CLSTN1: variants seen among roughly 807,000 people sequenced by gnomAD.
The protein encoded by CLSTN1 is calsyntenin-1.
CLSTN1 carries 28 observed loss-of-function variants against 108.3 expected under a neutral mutation model. The observed-to-expected ratio is 0.26, with a 90% CI of 0.19 to 0.35. CLSTN1 has a LOEUF of 0.35. CLSTN1 is among the 10% of genes least tolerant of loss of function. The pLI, the probability that CLSTN1 is intolerant of heterozygous loss-of-function variation, is 1.00. For synonymous variants in CLSTN1, 524 were observed against 534.9 expected (o/e 0.98, Z 0.28); for missense variants, 1,157 against 1,302.6 (o/e 0.89, Z 1.72).
At chr1:9,779,019 G>A (rs1324464547) in intron 1 of CLSTN1, among the ~76,000 whole-genome samples, 17 of 144,498 alleles carry the variant, frequency 1.2e-4, no homozygotes, top group African/African-American at 2.8e-4. Context: ...GAGAGACTTC[G>A]TCTCAAAAAA....
intron 4 of CLSTN1, among the ~76,000 whole-genome samples, chr1:9,752,473 G>A (rs1175104847): frequency 2.6e-5 from 4 of 152,190 alleles, no homozygotes; most frequent in Non-Finnish European, 5.9e-5. Context: ...TGCTCACCAT[G>A]AGCCTCCTCA....
In CLSTN1 at chr1:9,765,450, G is replaced by A. The variant is rs923531904; in HGVS notation, c.214+7822C>T. The stretch of plus-strand genomic sequence containing the variant: ...TGTAATCCTAGCACTTTAGGAGGCT[G>A]AGGCAGGGGGATCTTGAGGTCAAGA... On this transcript the variant is annotated intron_variant, in intron 2 of 18. Transcript: ENST00000377298. Among the ~76,000 whole-genome samples the A allele has an allele frequency of 2.6e-5, 4 of 152,208 alleles. No homozygotes were observed. The East Asian group carries it at 7.7e-4, about 29-fold the overall frequency.
rs551008326 is a variant in CLSTN1 at position 9,806,662 on chromosome 1, G to A, written c.91+16981C>T. 7.0e-4 allele frequency among the ~76,000 whole-genome samples: 106 copies of A among 152,220 alleles called. 1 individual carries two copies. In the Middle Eastern group the frequency reaches 0.027, roughly 39 times the overall value. Reference sequence around the variant, plus strand: ...TGGGAGGCCGAGGCAGGTGGATCACGAGGTCAGGAGATTGAGACCATCCTG... The same window carrying A: ...TGGGAGGCCGAGGCAGGTGGATCACAAGGTCAGGAGATTGAGACCATCCTG... On this transcript the variant is annotated intron_variant, in intron 1 of 18. Transcript: ENST00000377298.
Position 9,735,012 on chromosome 1 carries a change from A to G in CLSTN1, c.2046T>C (p.Leu682=), listed in dbSNP as rs1474326167. 1 of 1,614,218 alleles carries G rather than the reference A, an allele frequency of 6.2e-7. No individual in the cohort carries two copies. The highest frequency in any genetic ancestry group is 8.5e-7 in the Non-Finnish European group (1 of 1,180,048). The change falls in exon 14 of 19, where the codon CTT becomes CTC. Residue 682 remains leucine, a synonymous_variant. Coordinates refer to ENST00000377298, the MANE Select transcript of CLSTN1 (RefSeq NM_001009566.3). ...SSEGVFLFPE[L]RIISTITREV... ...CTCTCGTGATGGTGCTGATGATGCGAAGCTCAGGGAAAAGGAACACCCCTT... is the reference window on the plus strand; with the variant it reads ...CTCTCGTGATGGTGCTGATGATGCGGAGCTCAGGGAAAAGGAACACCCCTT...
chr1:9,755,005 C>A (rs540233844), intron 4 of CLSTN1, 109 bp downstream of exon 4: 3 of 834,526 alleles, frequency 3.6e-6, no homozygotes, highest in Non-Finnish European at 5.7e-6. Flanking sequence ...CTATCTTCTG[C>A]CTATTTCAAA....
chr1:9,777,480 G>GA (rs1420265646), intron 1 of CLSTN1, among the ~76,000 whole-genome samples: 1 of 144,088 alleles, frequency 6.9e-6, no homozygotes, highest in African/African-American at 2.6e-5. Context: ...CCAAGATCTC[G>GA]CCACTGCACT....
chr1:9,744,335 G>A (rs111622223), intron 8 of CLSTN1, 60 bp downstream of exon 8: 21 of 1,542,384 alleles, frequency 1.4e-5, no homozygotes, highest in South Asian at 2.4e-5. Flanking sequence ...GGAGCCTGCC[G>A]CTGGCACCCA....
At chr1:9,786,216 G>A (rs1166248073) in intron 1 of CLSTN1, among the ~76,000 whole-genome samples, 1 of 152,084 alleles carries the variant, frequency 6.6e-6, no homozygotes, top group Non-Finnish European at 1.5e-5. Context: ...CACATTAAGT[G>A]TCAAATAAAT....
At chr1:9,818,298 C>T (rs1655056155) in intron 1 of CLSTN1, among the ~76,000 whole-genome samples, 1 of 151,852 alleles carries the variant, frequency 6.6e-6, no homozygotes, top group Admixed American at 6.6e-5. Context: ...GTGTCAGCTA[C>T]CATGCCTGGC....
intron 1 of CLSTN1, among the ~76,000 whole-genome samples, chr1:9,820,910 G>C (rs1302809530): frequency 1.3e-5 from 2 of 152,210 alleles, no homozygotes; most frequent in African/African-American, 2.4e-5. Context: ...AGGATGGTGA[G>C]GGGAGGTCTC....
At chr1:9,769,195 G>T (rs1652545409) in intron 2 of CLSTN1, among the ~76,000 whole-genome samples, 1 of 151,694 alleles carries the variant, frequency 6.6e-6, no homozygotes, top group Admixed American at 6.6e-5. Context: ...GAGGGATACG[G>T]CTGCAGGTCA....
Position 9,750,976 on chromosome 1 carries a change from A to G in CLSTN1, c.649+497T>C, listed in dbSNP as rs149245479. On this transcript the variant is annotated intron_variant, in intron 5 of 18. Coordinates refer to ENST00000377298, the MANE Select transcript of CLSTN1 (RefSeq NM_001009566.3). ...GCTACTCGAGAGGCTAAGGTAGGAG[A>G]ATCACTTGAACCCGGGAGGCAGAGG... is the stretch of plus-strand genomic sequence containing the variant. Among the ~76,000 whole-genome samples the G allele has an allele frequency of 5.0e-4, 76 of 152,026 alleles. 1 individual carries two copies. Among genetic ancestry groups the G allele is most frequent in the Admixed American group, 1.5e-3 (23 of 15,250 alleles).
chr1:9,734,208 T>C lies in CLSTN1; in HGVS notation c.2111-66A>G, dbSNP rs145634961. 1.4e-3 allele frequency: 2,032 copies of C among 1,504,588 alleles called. 16 individuals are homozygous for C. The African/African-American group carries it at 0.021, about 16-fold the overall frequency. The allele number at this position is 1,504,588 out of a possible 1,614,324, so 93.2% of individuals were successfully genotyped here. Reference sequence around the variant, plus strand: ...TGGGGCCCAGCGTGGCGGGGCACACTGGATGCCCTGCCGGCTCACCCCAAA... The same window carrying C: ...TGGGGCCCAGCGTGGCGGGGCACACCGGATGCCCTGCCGGCTCACCCCAAA... On this transcript the variant is annotated intron_variant, in intron 14 of 18. Transcript: ENST00000377298. This position sits in a 1 kb window ranked among gnomAD's most constrained non-coding sequence, Gnocchi z 4.8.
At chr1:9,792,353 G>A (rs1395404851) in intron 1 of CLSTN1, among the ~76,000 whole-genome samples, 2 of 151,526 alleles carry the variant, frequency 1.3e-5, no homozygotes, top group African/African-American at 4.8e-5. Flanking sequence ...GAATGTCACA[G>A]GTGTGATGTG....
chr1:9,776,069 T>C (rs1163332008), intron 1 of CLSTN1, among the ~76,000 whole-genome samples: 2 of 151,158 alleles, frequency 1.3e-5, no homozygotes, highest in Admixed American at 1.3e-4. Context: ...GCCTCTCAGG[T>C]TCAAGCAATT....
At position 9,787,222 on chromosome 1, in the gene CLSTN1, C is replaced by T. The variant is rs533499554; in HGVS notation, c.92-13828G>A. Reference sequence around the variant, plus strand: ...TTCCCCCTTCTTCCATCCATCCATCCGTCTTTCTCGAGGCCCAGGTAGTCT... The same window carrying T: ...TTCCCCCTTCTTCCATCCATCCATCTGTCTTTCTCGAGGCCCAGGTAGTCT... On this transcript the variant is annotated intron_variant, in intron 1 of 18. Transcript: ENST00000377298. Among the ~76,000 whole-genome samples the T allele has an allele frequency of 6.6e-4, 100 of 151,100 alleles. 1 individual carries two copies. The highest frequency in any genetic ancestry group is 2.3e-3 in the African/African-American group (96 of 41,426).
At chr1:9,758,446 T>C (rs1651921475) in intron 2 of CLSTN1, among the ~76,000 whole-genome samples, 1 of 152,114 alleles carries the variant, frequency 6.6e-6, no homozygotes, top group South Asian at 2.1e-4. Flanking sequence ...CCCAAGCAGC[T>C]GGGATTACAG....
In CLSTN1 at chr1:9,730,631, T is replaced by C. The variant is rs775752121; in HGVS notation, c.2823A>G (p.Glu941=). Residue 941 remains glutamate, a synonymous_variant, in exon 19 of 19, where the codon GAA becomes GAG. Coordinates refer to ENST00000377298, the MANE Select transcript of CLSTN1 (RefSeq NM_001009566.3). The surrounding 1 kb of genome is among the most constrained non-coding windows in gnomAD (Gnocchi z 5.6). The part of the protein sequence containing the change: ...EEEEESEDGE[E]EDDITSAESE... ...ACTCGGCGCTGGTGATGTCATCCTC[T>C]TCTTCGCCGTCCTCGCTTTCCTCTT... The C allele has an allele frequency of 2.5e-6, 4 of 1,610,492 alleles. No individual in the cohort carries two copies. Among genetic ancestry groups the C allele is most frequent in the South Asian group, 1.1e-5 (1 of 91,074 alleles).
At chr1:9,739,266 G>A (rs1570438412) in intron 10 of CLSTN1, among the ~76,000 whole-genome samples, 1 of 152,302 alleles carries the variant, frequency 6.6e-6, no homozygotes, top group East Asian at 1.9e-4. Context: ...TTGCACACCA[G>A]GCCACAGCTG....
Sources: allele counts gnomAD v4.1 joint callset (sites outside exome capture counted in the v4.1 genomes callset), GRCh38; gene constraint gnomAD v4.1.1; non-coding constraint Gnocchi (gnomAD v3.1); transcripts MANE v1.5; gene names NCBI Gene and HGNC (gene_info 2026-07-23, HGNC 2026-07-21).